The following THSD7A variants were observed in gnomAD, a reference collection of about 807,000 sequenced individuals.
THSD7A encodes thrombospondin type-1 domain-containing protein 7A.
THSD7A carries 96 observed loss-of-function variants against 231.3 expected under a neutral mutation model. That is an observed-to-expected ratio of 0.41 (90% confidence interval 0.35 to 0.49). The LOEUF (loss-of-function observed/expected upper bound fraction) is 0.49. Ranked by LOEUF, THSD7A falls within the 20% of genes least tolerant of loss-of-function variation. The pLI is 0.05. For synonymous variants in THSD7A, 940 were observed against 743.3 expected (o/e 1.26, Z -4.30); for missense variants, 2,290 against 2,070.2 (o/e 1.11, Z -2.06).
At chr7:11,384,436 T>C (rs1782648840) in intron 23 of THSD7A, 1 of 151,918 alleles carries the variant, frequency 6.6e-6, no homozygotes, top group African/African-American at 2.4e-5. Context: ...TAGGAAATCC[T>C]TCTCTACCTT....
intron 13 of THSD7A, among the ~76,000 whole-genome samples, chr7:11,437,949 T>A (rs1304119890): frequency 2.0e-5 from 3 of 152,058 alleles, no homozygotes; most frequent in Non-Finnish European, 4.4e-5. Context: ...GCACAAACTC[T>A]TAAAGTCTAT....
chr7:11,776,071 T>G (rs988542580), intron 1 of THSD7A, among the ~76,000 whole-genome samples: 7 of 152,196 alleles, frequency 4.6e-5, no homozygotes, highest in Admixed American at 4.6e-4. Context: ...GTGGACCTCT[T>G]CTGATGTCGA....
chr7:11,510,532 A>G (rs1787761806), intron 6 of THSD7A, among the ~76,000 whole-genome samples: 1 of 152,202 alleles, frequency 6.6e-6, no homozygotes, highest in Non-Finnish European at 1.5e-5. Context: ...TCAATAAAAT[A>G]CTGGCAAACC....
At chr7:11,771,130 T>A (rs35445570) in intron 1 of THSD7A, among the ~76,000 whole-genome samples, 21,832 of 150,800 alleles carry the variant, frequency 0.14, 2,026 homozygotes, top group Admixed American at 0.24. Context: ...TTTTTCATCA[T>A]AATTAATATA....
At chr7:11,688,203 C>T (rs565855885) in intron 1 of THSD7A, among the ~76,000 whole-genome samples, 99 of 151,650 alleles carry the variant, frequency 6.5e-4, no homozygotes, top group African/African-American at 2.3e-3. Context: ...GACGGTTTCC[C>T]GCTTCAACCA....
At chr7:11,403,130 T>C (rs1405160227) in intron 22 of THSD7A, among the ~76,000 whole-genome samples, 4 of 152,172 alleles carry the variant, frequency 2.6e-5, no homozygotes, top group African/African-American at 7.2e-5. Flanking sequence ...TCAATTATGA[T>C]AGACACAAAT....
rs895196595 is a variant in THSD7A, at chr7:11,441,779, T to C, written c.3064+4282A>G. On this transcript the variant is annotated intron_variant, in intron 13 of 27. Coordinates refer to ENST00000423059, the MANE Select transcript of THSD7A (RefSeq NM_015204.3). ...TCACTCATAAGTGGGAGTTGAACAATGAGAACACATGGACAGAAGGGAGGG... is the reference window on the plus strand; with the variant it reads ...TCACTCATAAGTGGGAGTTGAACAACGAGAACACATGGACAGAAGGGAGGG... 1.1e-4 allele frequency among the ~76,000 whole-genome samples: 16 copies of C among 151,216 alleles called. No individual in the cohort carries two copies. In the East Asian group the frequency reaches 2.7e-3, roughly 26 times the overall value.
At chr7:11,651,484 C>CTATCT (rs1305127381) in intron 1 of THSD7A, among the ~76,000 whole-genome samples, 2 of 114,684 alleles carry the variant, frequency 1.7e-5, no homozygotes, top group African/African-American at 7.0e-5. Context: ...ATCTATCTAT[C>CTATCT]AACTATCTAT....
At chr7:11,743,511 C>T (rs999879) in intron 1 of THSD7A, among the ~76,000 whole-genome samples, 31,950 of 151,702 alleles carry the variant, frequency 0.21, 4,671 homozygotes, top group African/African-American at 0.41. Context: ...TCTAATACTA[C>T]GCATTCTGGT....
chr7:11,408,074 GATA>G (rs752869387), intron 19 of THSD7A, among the ~76,000 whole-genome samples: 11 of 152,078 alleles, frequency 7.2e-5, no homozygotes, highest in Non-Finnish European at 1.5e-4. Context: ...CTTCTCATCA[GATA>G]ATAATGTTGT....
chr7:11,600,424 T>TATC (rs1459335404), intron 2 of THSD7A, among the ~76,000 whole-genome samples: 1 of 152,204 alleles, frequency 6.6e-6, no homozygotes, highest in African/African-American at 2.4e-5. Context: ...ATATTTATTT[T>TATC]ATCAGTATTT....
chr7:11,820,510 A>C (rs1363522800), intron 1 of THSD7A: 1 of 818,658 alleles, frequency 1.2e-6, no homozygotes, highest in East Asian at 2.6e-5. Flanking sequence ...TTGGGTGTGT[A>C]ATCTAGGTCC....
At chr7:11,735,030 C>T (rs1359779007) in intron 1 of THSD7A, among the ~76,000 whole-genome samples, 1 of 151,932 alleles carries the variant, frequency 6.6e-6, no homozygotes. Flanking sequence ...TCTGCTTCTT[C>T]AAATAAGTCT....
chr7:11,757,541 T>C (rs1782725521), intron 1 of THSD7A, among the ~76,000 whole-genome samples: 1 of 152,048 alleles, frequency 6.6e-6, no homozygotes, highest in Non-Finnish European at 1.5e-5. Flanking sequence ...GGGACTTAAA[T>C]TCAGATCTTC....
In THSD7A at chr7:11,793,984, T is replaced by C. The variant is rs1309426925; in HGVS notation, c.190+37773A>G. Among the ~76,000 whole-genome samples, 3 of 151,808 alleles carry C rather than the reference T, an allele frequency of 2.0e-5. No individual in the cohort carries two copies. In the East Asian group the frequency reaches 5.8e-4, roughly 29 times the overall value. ...AAAGTTTTGGAAACTAGGGAAAAAA[T>C]GAATTTTAGATCCCATTTTCAAAAA... On this transcript the variant is annotated intron_variant, in intron 1 of 27. Coordinates refer to ENST00000423059, the MANE Select transcript of THSD7A (RefSeq NM_015204.3).
chr7:11,767,446 C>T (rs1783064220), intron 1 of THSD7A, among the ~76,000 whole-genome samples: 1 of 152,152 alleles, frequency 6.6e-6, no homozygotes, highest in South Asian at 2.1e-4. Context: ...TAGCCAGGAA[C>T]ATTAATTAGT....
chr7:11,729,727 T>C (rs768774074), intron 1 of THSD7A, among the ~76,000 whole-genome samples: 17 of 151,680 alleles, frequency 1.1e-4, no homozygotes, highest in Non-Finnish European at 2.1e-4. Flanking sequence ...GGCCTTCTAA[T>C]AGAATGTTAC....
chr7:11,777,107 G>A (rs1467631472), intron 1 of THSD7A, among the ~76,000 whole-genome samples: 1 of 152,148 alleles, frequency 6.6e-6, no homozygotes, highest in South Asian at 2.1e-4. Flanking sequence ...CAGAGATAAT[G>A]TGCGAGCGAA....
In THSD7A at chr7:11,636,789, C is replaced by T; in HGVS notation, c.363G>A (p.Leu121=). The part of the protein sequence containing the change: ...CFKVCDWHKE[L]YDWRLGPWNQ... The stretch of plus-strand genomic sequence containing the variant: ...TCCAAGGTCCCAGTCTCCAGTCGTA[C>T]AACTCTTTGTGCCAATCGCAAACTT... The change falls in exon 2 of 28, where the codon TTG becomes TTA. Residue 121 remains leucine (L), a synonymous_variant. Transcript: ENST00000423059. The surrounding 1 kb of genome is among the most constrained non-coding windows in gnomAD (Gnocchi z 10.0). 1.9e-6 allele frequency: 3 copies of T among 1,614,002 alleles called. No individual in the cohort carries two copies. Among genetic ancestry groups the T allele is most frequent in the Non-Finnish European group, 2.5e-6 (3 of 1,179,890 alleles).
Sources: allele counts gnomAD v4.1 joint callset (sites outside exome capture counted in the v4.1 genomes callset), GRCh38; gene constraint gnomAD v4.1.1; non-coding constraint Gnocchi (gnomAD v3.1); transcripts MANE v1.5; gene names NCBI Gene and HGNC (gene_info 2026-07-23, HGNC 2026-07-21).